The following GALK2 variants were observed in gnomAD, a reference collection of about 807,000 sequenced individuals.
GALK2 encodes galactokinase 2.
A neutral mutation model predicts 52.4 loss-of-function variants in GALK2; 36 were observed. The ratio of observed to expected loss-of-function variants is 0.69; its 90% CI spans 0.53 to 0.91. The LOEUF (loss-of-function observed/expected upper bound fraction) is 0.91. Ranked by LOEUF, GALK2 falls within the 40% of genes least tolerant of loss-of-function variation. The probability of loss-of-function intolerance (pLI) is 0.00; values close to 1 mark genes in which losing one functional copy is unlikely to be tolerated. For missense variants in GALK2, 579 were observed against 559.1 expected (o/e 1.04, Z -0.36); for synonymous variants, 176 against 199.1 (o/e 0.88, Z 0.98).
chr15:49,353,301 G>A (rs2042519591), intron 3 of GALK2, among the ~76,000 whole-genome samples: 1 of 152,068 alleles, frequency 6.6e-6, no homozygotes, highest in Non-Finnish European at 1.5e-5. Flanking sequence ...GTGCAATCAA[G>A]GGTTTTATGT....
intron 8 of GALK2, among the ~76,000 whole-genome samples, chr15:49,293,629 C>T (rs2034160081): frequency 1.3e-5 from 2 of 152,202 alleles, no homozygotes; most frequent in African/African-American, 4.8e-5. Context: ...TCCAGAAAGG[C>T]AGTAGACTAA....
intron 8 of GALK2, among the ~76,000 whole-genome samples, chr15:49,316,231 A>AAT (rs2036397157): frequency 6.6e-6 from 1 of 152,208 alleles, no homozygotes; most frequent in African/African-American, 2.4e-5. Context: ...ATATGGACTG[A>AAT]ATATCAGGCA....
intron 3 of GALK2, among the ~76,000 whole-genome samples, chr15:49,362,937 G>A (rs1200292584): frequency 6.6e-6 from 1 of 152,028 alleles, no homozygotes; most frequent in African/African-American, 2.4e-5. Flanking sequence ...GGTAGTAGGT[G>A]TGCAGCATTA....
rs946086668 is a variant in GALK2, at chr15:49,354,997, C to G, written c.427-12494C>G. On this transcript the variant is annotated intron_variant, in intron 3 of 3. Coordinates refer to the GALK2 transcript ENST00000558399. ...AGGGGCACACTGACACCTCACACGG[C>G]AGGGTACTCCAACAGACCTGCAGCT... Among the ~76,000 whole-genome samples the G allele has an allele frequency of 4.0e-5, 6 of 151,824 alleles. No homozygotes were observed. The South Asian group carries it at 8.3e-4, about 21-fold the overall frequency.
upstream of GALK2, chr15:49,170,045 G>A (rs888397825): frequency 2.0e-6 from 1 of 502,506 alleles, no homozygotes. Flanking sequence ...TCTGCGCAGG[G>A]GCTCCTGCGA....
intron 3 of GALK2, among the ~76,000 whole-genome samples, chr15:49,354,974 G>A (rs1024747759): frequency 1.3e-5 from 2 of 151,830 alleles, no homozygotes; most frequent in Non-Finnish European, 2.9e-5. Context: ...CCCCCAGCAG[G>A]GGCACACTGA....
intron 8 of GALK2, among the ~76,000 whole-genome samples, chr15:49,310,524 T>C (rs1199391173): frequency 6.6e-6 from 1 of 152,212 alleles, no homozygotes; most frequent in Non-Finnish European, 1.5e-5. Context: ...GAGTTCCCTT[T>C]TCTCTGCATC....
chr15:49,341,066 A>G (rs751242511), intron 3 of GALK2, among the ~76,000 whole-genome samples: 69 of 152,154 alleles, frequency 4.5e-4, no homozygotes, highest in Non-Finnish European at 7.9e-4. Context: ...TGGAGATCAC[A>G]TAGTTATAGG....
intron 3 of GALK2, among the ~76,000 whole-genome samples, chr15:49,352,348 G>A (rs995986103): frequency 1.3e-5 from 2 of 152,188 alleles, no homozygotes; most frequent in Non-Finnish European, 2.9e-5. Flanking sequence ...AAGAATTGGT[G>A]AGGTCACATT....
At chr15:49,187,771 C>T (rs1203449364) in intron 1 of GALK2, among the ~76,000 whole-genome samples, 1 of 151,928 alleles carries the variant, frequency 6.6e-6, no homozygotes, top group African/African-American at 2.4e-5. Flanking sequence ...CACTGTTTAC[C>T]CAAGGGCTCT....
intron 3 of GALK2, among the ~76,000 whole-genome samples, chr15:49,347,567 G>C (rs536436288): frequency 3.3e-5 from 5 of 152,096 alleles, no homozygotes; most frequent in Middle Eastern, 3.2e-3. Context: ...ACTGTTCTTT[G>C]CATACTGAAC....
At chr15:49,285,927 C>G (rs1394744468) in intron 7 of GALK2, among the ~76,000 whole-genome samples, 3 of 152,130 alleles carry the variant, frequency 2.0e-5, no homozygotes, top group African/African-American at 7.2e-5. Flanking sequence ...ACCTGTGCAC[C>G]TCATCCTCTT....
chr15:49,351,620 A>G (rs1447731004), intron 3 of GALK2, among the ~76,000 whole-genome samples: 1 of 152,240 alleles, frequency 6.6e-6, no homozygotes, highest in African/African-American at 2.4e-5. Context: ...GCGGACCTAA[A>G]GACAAAGATC....
At chr15:49,324,352 T>C (rs1427572884) in intron 9 of GALK2, among the ~76,000 whole-genome samples, 1 of 149,318 alleles carries the variant, frequency 6.7e-6, no homozygotes, top group Non-Finnish European at 1.5e-5. Flanking sequence ...AAATCCATTG[T>C]TGCATGCTCT....
chr15:49,320,139 T>G (rs1258656448), intron 9 of GALK2, among the ~76,000 whole-genome samples: 1 of 152,118 alleles, frequency 6.6e-6, no homozygotes, highest in Non-Finnish European at 1.5e-5. Context: ...AACTTTCTTA[T>G]GATATGTTTT....
intron 5 of GALK2, among the ~76,000 whole-genome samples, chr15:49,249,533 G>T (rs918222928): frequency 1.3e-5 from 2 of 152,132 alleles, no homozygotes; most frequent in African/African-American, 4.8e-5. Flanking sequence ...AAAGAGTTTA[G>T]CAAGAAAATA....
chr15:49,347,243 A>G (rs1031780132), intron 3 of GALK2, among the ~76,000 whole-genome samples: 3 of 152,224 alleles, frequency 2.0e-5, no homozygotes, highest in South Asian at 2.1e-4. Flanking sequence ...AGACACAAAA[A>G]TAAGTAGAGA....
upstream of GALK2, among the ~76,000 whole-genome samples, chr15:49,165,825 C>T (rs1214272821): frequency 7.2e-6 from 1 of 138,440 alleles, no homozygotes; most frequent in Admixed American, 7.5e-5. Flanking sequence ...TTTATTGAGA[C>T]GGAGTCTTGC....
chr15:49,294,125 A>AATAAATAC (rs2034216789), intron 8 of GALK2, among the ~76,000 whole-genome samples: 1 of 146,656 alleles, frequency 6.8e-6, no homozygotes, highest in East Asian at 2.0e-4. Flanking sequence ...TAAATAAATA[A>AATAAATAC]ATAAGACCCT....
Sources: gnomAD v4.1 joint callset for allele counts (sites outside exome capture counted in the v4.1 genomes callset) on GRCh38, gnomAD v4.1.1 for gene constraint, MANE v1.5 for transcripts, NCBI Gene and HGNC (gene_info 2026-07-23, HGNC 2026-07-21) for gene names.